The following NAV3 variants were observed in gnomAD, a reference collection of about 807,000 sequenced individuals.
NAV3 encodes pore membrane and/or filament interacting like protein 1.
A neutral mutation model predicts 244.7 loss-of-function variants in NAV3; 87 were observed. That is an observed-to-expected ratio of 0.36 (90% CI 0.30 to 0.42). The LOEUF is 0.42. NAV3 is among the 20% of genes least tolerant of loss of function. NAV3 has a pLI of 1.00. For synonymous variants in NAV3, 1,126 were observed against 1,042.2 expected (o/e 1.08, Z -1.55); for missense variants, 2,663 against 2,893.3 (o/e 0.92, Z 1.83).
intron 3 of NAV3, among the ~76,000 whole-genome samples, chr12:77,952,120 CT>C (rs1188792856): frequency 6.8e-6 from 1 of 147,530 alleles, no homozygotes; most frequent in Non-Finnish European, 1.5e-5. Context: ...TTTAAGAGTT[CT>C]TTGTAAACTT....
chr12:77,937,368 G>T (rs1215838346), intron 1 of NAV3, among the ~76,000 whole-genome samples: 3 of 152,164 alleles, frequency 2.0e-5, no homozygotes, highest in East Asian at 3.8e-4. Flanking sequence ...CAACTAGCTG[G>T]CCTCCCATTT....
chr12:78,101,256 T>C (rs1954522921), intron 12 of NAV3, among the ~76,000 whole-genome samples: 2 of 152,128 alleles, frequency 1.3e-5, no homozygotes. Flanking sequence ...AGAATGTACA[T>C]AAATTACAGA....
At chr12:77,944,379 C>T (rs574174312) in intron 3 of NAV3, among the ~76,000 whole-genome samples, 6 of 151,906 alleles carry the variant, frequency 3.9e-5, no homozygotes, top group Non-Finnish European at 5.9e-5. Flanking sequence ...ATGTGGGTGA[C>T]GGAGAGTACA....
chr12:78,190,249 A>G (rs2139880196), intron 34 of NAV3, 30 bp downstream of exon 34: 9 of 1,550,390 alleles, frequency 5.8e-6, no homozygotes, highest in Non-Finnish European at 8.0e-6. Context: ...GAGAACAGCT[A>G]CAATTTATCC....
intron 2 of NAV3, among the ~76,000 whole-genome samples, chr12:77,807,037 T>C (rs903427801): frequency 6.6e-6 from 1 of 152,146 alleles, no homozygotes; most frequent in African/African-American, 2.4e-5. Context: ...TTGATAAACA[T>C]TCCTCCATCC....
rs113375543 is a variant in NAV3 at position 77,768,308 on chromosome 12, G to A, written c.73-172011G>A. Among the ~76,000 whole-genome samples the A allele has an allele frequency of 1.5e-3, 233 of 152,286 alleles. 1 individual carries two copies. The highest frequency in any genetic ancestry group is 5.4e-3 in the African/African-American group (226 of 41,564). On this transcript the variant is annotated intron_variant, in intron 2 of 8. Transcript: ENST00000550042. ...TCAGGCTGTCCCTGGCTTGAAGGTG[G>A]GGTTTCACCAGGCACCTGACCCTTT...
intron 12 of NAV3, among the ~76,000 whole-genome samples, chr12:78,061,070 CCAG>C (rs575608692): frequency 2.0e-5 from 3 of 151,710 alleles, no homozygotes; most frequent in Admixed American, 6.6e-5. Context: ...GGTACCTGGA[CCAG>C]CAGCAGCAGC....
At chr12:77,781,796 T>C (rs1332350169) in intron 2 of NAV3, among the ~76,000 whole-genome samples, 2 of 152,138 alleles carry the variant, frequency 1.3e-5, no homozygotes, top group Admixed American at 1.3e-4. Flanking sequence ...TTCTTGGCAA[T>C]ATTTAGTGAA....
intron 1 of NAV3, among the ~76,000 whole-genome samples, chr12:77,918,849 G>T (rs1361719404): frequency 6.6e-6 from 1 of 151,998 alleles, no homozygotes; most frequent in Non-Finnish European, 1.5e-5. Flanking sequence ...GTTTGCTAAG[G>T]TTACATTGGG....
intron 1 of NAV3, among the ~76,000 whole-genome samples, chr12:77,906,792 T>C (rs566185864): frequency 3.5e-4 from 53 of 152,294 alleles, no homozygotes; most frequent in African/African-American, 1.3e-3. Flanking sequence ...TGGCACATAG[T>C]AAATCTGTAT....
chr12:77,948,901 G>A (rs1358595510), intron 3 of NAV3, among the ~76,000 whole-genome samples: 1 of 151,408 alleles, frequency 6.6e-6, no homozygotes, highest in African/African-American at 2.4e-5. Context: ...AATAAAATAG[G>A]GAAACTCTTG....
At chr12:78,196,409 C>T (rs1354473136) in intron 34 of NAV3, among the ~76,000 whole-genome samples, 1 of 151,854 alleles carries the variant, frequency 6.6e-6, no homozygotes, top group Non-Finnish European at 1.5e-5. Flanking sequence ...CTGCCAGAAA[C>T]CAAAATCATG....
chr12:78,014,005 A>C (rs1056730267), intron 8 of NAV3, among the ~76,000 whole-genome samples: 1 of 152,040 alleles, frequency 6.6e-6, no homozygotes, highest in Admixed American at 6.6e-5. Context: ...ACTTTCAAAA[A>C]ATACCTCCCT....
intron 2 of NAV3, among the ~76,000 whole-genome samples, chr12:77,761,620 A>G (rs1470912168): frequency 6.6e-6 from 1 of 152,234 alleles, no homozygotes; most frequent in African/African-American, 2.4e-5. Flanking sequence ...AGTGAAGGAT[A>G]TGAACAGACA....
chr12:77,888,785 T>C (rs1249493505), intron 1 of NAV3, among the ~76,000 whole-genome samples: 1 of 152,156 alleles, frequency 6.6e-6, no homozygotes, highest in Non-Finnish European at 1.5e-5. Flanking sequence ...ATGTTCTAAG[T>C]CTTCAAATGT....
intron 2 of NAV3, among the ~76,000 whole-genome samples, chr12:77,594,172 C>T (rs952541626): frequency 3.9e-5 from 6 of 152,202 alleles, no homozygotes; most frequent in East Asian, 1.9e-4. Flanking sequence ...CACATATTTA[C>T]AATTGTAGGC....
chr12:77,628,017 G>C (rs987716747), intron 2 of NAV3, among the ~76,000 whole-genome samples: 1 of 152,144 alleles, frequency 6.6e-6, no homozygotes, highest in African/African-American at 2.4e-5. Flanking sequence ...GCTGGGAAAG[G>C]TAGGAGGTGG....
At chr12:78,122,675 G>A (rs75808957) in intron 16 of NAV3, among the ~76,000 whole-genome samples, 1,873 of 152,218 alleles carry the variant, frequency 0.012, 35 homozygotes, top group African/African-American at 0.042. Context: ...TAGGCAATGT[G>A]AATAAAATTC....
At chr12:77,928,414 T>C (rs1408412741) in intron 1 of NAV3, among the ~76,000 whole-genome samples, 2 of 151,898 alleles carry the variant, frequency 1.3e-5, no homozygotes, top group Non-Finnish European at 1.5e-5. Context: ...ATAAGGGAGA[T>C]GGAGGAAAGA....
Sources: allele counts gnomAD v4.1 joint callset (sites outside exome capture counted in the v4.1 genomes callset), GRCh38; gene constraint gnomAD v4.1.1; transcripts MANE v1.5; gene names NCBI Gene and HGNC (gene_info 2026-07-23, HGNC 2026-07-21).